SMARCA2: variants seen among roughly 807,000 people sequenced by gnomAD.
SMARCA2 encodes SWI/SNF related BAF chromatin remodeling complex subunit ATPase 2.
Under a neutral mutation model 199.8 loss-of-function variants are expected in SMARCA2, and 61 were observed. The ratio of observed to expected loss-of-function variants is 0.31; its 90% confidence interval spans 0.25 to 0.38. The LOEUF (loss-of-function observed/expected upper bound fraction) is 0.38. Among genes scored for constraint, SMARCA2 ranks in the 10% least tolerant of loss-of-function variants. The pLI is 1.00. For synonymous variants in SMARCA2, 935 were observed against 732.0 expected (o/e 1.28, Z -4.48); for missense variants, 1,344 against 2,012.2 (o/e 0.67, Z 6.35).
At chr9:2,108,898 C>T (rs1822872003) in intron 23 of SMARCA2, among the ~76,000 whole-genome samples, 3 of 152,248 alleles carry the variant, frequency 2.0e-5, no homozygotes, top group Middle Eastern at 6.8e-3. Context: ...TCACTAAACT[C>T]GAAACCTAAT....
At chr9:2,148,437 C>G (rs1158773206) in intron 27 of SMARCA2, among the ~76,000 whole-genome samples, 4 of 151,326 alleles carry the variant, frequency 2.6e-5, no homozygotes, top group African/African-American at 9.7e-5. Flanking sequence ...AAAATTTTCT[C>G]TAGATACTCC....
intron 1 of SMARCA2, among the ~76,000 whole-genome samples, chr9:2,025,168 C>T (rs1205791220): frequency 6.6e-6 from 1 of 152,130 alleles, no homozygotes; most frequent in African/African-American, 2.4e-5. Context: ...TTTAAAAACA[C>T]ACACTCTCTA....
intron 29 of SMARCA2, among the ~76,000 whole-genome samples, chr9:2,173,480 A>G (rs1826370009): frequency 6.6e-6 from 1 of 152,228 alleles, no homozygotes; most frequent in Admixed American, 6.5e-5. Context: ...TTACCATGAA[A>G]TAGCACTGTG....
intron 22 of SMARCA2, 33 bp downstream of exon 22, chr9:2,101,649 A>T (rs752366445): frequency 8.2e-7 from 1 of 1,216,962 alleles, no homozygotes; most frequent in African/African-American, 1.5e-5. Context: ...TTTTAAAAAA[A>T]AATGTTGTTG....
intron 23 of SMARCA2, among the ~76,000 whole-genome samples, chr9:2,108,175 G>A (rs1055711190): frequency 3.3e-5 from 5 of 152,262 alleles, no homozygotes; most frequent in African/African-American, 1.2e-4. Flanking sequence ...TTGCGCTCAG[G>A]CCCAGTTTAA....
intron 29 of SMARCA2, among the ~76,000 whole-genome samples, chr9:2,180,905 C>T (rs1452221329): frequency 6.6e-6 from 1 of 152,068 alleles, no homozygotes; most frequent in Non-Finnish European, 1.5e-5. Context: ...GCTTGTGAAA[C>T]ATGTTCTTCT....
intron 33 of SMARCA2, chr9:2,191,695 T>C (rs934852916): frequency 7.5e-6 from 2 of 266,308 alleles, no homozygotes; most frequent in African/African-American, 4.4e-5. Context: ...CTTATAAATA[T>C]GGTTTTCCCC....
intron 9 of SMARCA2, 35 bp from the exon 10 acceptor site, chr9:2,070,383 G>A (rs769001801): frequency 4.4e-6 from 7 of 1,592,218 alleles, no homozygotes; most frequent in Middle Eastern, 1.7e-4. Context: ...CCATCATCTT[G>A]GTTACTTATA....
chr9:2,039,857 G>A lies in SMARCA2; in HGVS notation c.747G>A (p.Gln249=), dbSNP rs368518933. The A allele has an allele frequency of 6.2e-7, 1 of 1,613,660 alleles. No individual in the cohort carries two copies. The highest frequency in any genetic ancestry group is 1.3e-5 in the African/African-American group (1 of 75,050). ...AGCAGCCGCCGCAACCACAGACGCA[G>A]CAACAACAGCAGCCGGCCCTTGTTA... ...PQQQPPQPQT[Q]QQQQPALVNY... is the part of the protein sequence containing the mutation. The change falls in exon 4 of 34, where the codon CAG becomes CAA. Residue 249 remains glutamine (Q), a synonymous_variant. Coordinates refer to ENST00000349721, the MANE Select transcript of SMARCA2 (RefSeq NM_003070.5). The surrounding 1 kb of genome is among the most constrained non-coding windows in gnomAD (Gnocchi z 4.8).
At chr9:2,108,064 A>C (rs944284463) in intron 23 of SMARCA2, among the ~76,000 whole-genome samples, 1 of 152,224 alleles carries the variant, frequency 6.6e-6, no homozygotes, top group South Asian at 2.1e-4. Context: ...GCCAGGGTTC[A>C]TGGCATTTCC....
chr9:2,133,349 C>G (rs1348508485), intron 27 of SMARCA2, among the ~76,000 whole-genome samples: 1 of 152,110 alleles, frequency 6.6e-6, no homozygotes, highest in African/African-American at 2.4e-5. Flanking sequence ...CTCTGTCACC[C>G]AGGCTTACTG....
chr9:2,050,174 A>G (rs985216014), intron 5 of SMARCA2, among the ~76,000 whole-genome samples: 4 of 152,200 alleles, frequency 2.6e-5, no homozygotes, highest in African/African-American at 4.8e-5. Context: ...ATGTCTGCCT[A>G]TGAGCACTTT....
chr9:2,116,719 G>T (rs1823231401), intron 25 of SMARCA2, among the ~76,000 whole-genome samples: 1 of 152,172 alleles, frequency 6.6e-6, no homozygotes, highest in Non-Finnish European at 1.5e-5. Context: ...GCCAACGTTA[G>T]TAATTTTATA....
At chr9:2,066,832 AT>A (rs767296731) in intron 9 of SMARCA2, among the ~76,000 whole-genome samples, 1 of 152,220 alleles carries the variant, frequency 6.6e-6, no homozygotes, top group Non-Finnish European at 1.5e-5. Context: ...ACACCAGGAC[AT>A]TTCTTTAGGT....
intron 4 of SMARCA2, chr9:2,044,465 C>T (rs1819748663): frequency 6.6e-6 from 1 of 152,222 alleles, no homozygotes; most frequent in South Asian, 2.1e-4. Context: ...CCTGAAAGAC[C>T]TTTCTTTTGC....
At chr9:2,035,440 A>G (rs952517161) in intron 3 of SMARCA2, among the ~76,000 whole-genome samples, 2 of 152,208 alleles carry the variant, frequency 1.3e-5, no homozygotes, top group African/African-American at 4.8e-5. Context: ...TTGTTGCAGT[A>G]GCTCTAATAG....
chr9:2,097,850 A>G (rs745678436), intron 21 of SMARCA2, among the ~76,000 whole-genome samples: 1 of 152,258 alleles, frequency 6.6e-6, no homozygotes, highest in Non-Finnish European at 1.5e-5. Flanking sequence ...GCCGTGAAAA[A>G]TATTAAAATA....
chr9:2,176,273 T>C (rs1484947172), intron 29 of SMARCA2, among the ~76,000 whole-genome samples: 1 of 151,824 alleles, frequency 6.6e-6, no homozygotes, highest in African/African-American at 2.4e-5. Context: ...CTATTACTTG[T>C]TCTTTCCACA....
At chr9:2,137,836 C>T (rs1373850054) in intron 27 of SMARCA2, among the ~76,000 whole-genome samples, 1 of 152,018 alleles carries the variant, frequency 6.6e-6, no homozygotes, top group African/African-American at 2.4e-5. Context: ...TGGTTGCAGC[C>T]CCATATCCTT....
Sources: allele counts gnomAD v4.1 joint callset (sites outside exome capture counted in the v4.1 genomes callset), GRCh38; gene constraint gnomAD v4.1.1; non-coding constraint Gnocchi (gnomAD v3.1); transcripts MANE v1.5; gene names NCBI Gene and HGNC (gene_info 2026-07-23, HGNC 2026-07-21).